Variants in EPB41L5 observed in about 807,000 individuals in gnomAD.
The protein encoded by EPB41L5 is band 4.1-like protein 5.
In EPB41L5, 55 loss-of-function variants were observed where a neutral mutation model predicts 106.6. That is an observed-to-expected ratio of 0.52 (90% CI 0.42 to 0.65). The LOEUF (loss-of-function observed/expected upper bound fraction) is 0.65, where lower values mean the gene tolerates loss of function less well. Ranked by LOEUF, EPB41L5 falls within the 30% of genes least tolerant of loss-of-function variation. EPB41L5 has a pLI of 0.00. For missense variants in EPB41L5, 871 were observed against 882.1 expected (o/e 0.99, Z 0.16); for synonymous variants, 297 against 306.7 (o/e 0.97, Z 0.33).
At chr2:120,090,830 A>G (rs751434768) in intron 12 of EPB41L5, among the ~76,000 whole-genome samples, 2 of 152,216 alleles carry the variant, frequency 1.3e-5, no homozygotes, top group Non-Finnish European at 2.9e-5. Context: ...TGGATACCAT[A>G]TAGAAAAGGG....
intron 2 of EPB41L5, among the ~76,000 whole-genome samples, chr2:120,019,907 A>G (rs369516351): frequency 0.13 from 4,907 of 37,402 alleles, 268 homozygotes; most frequent in African/African-American, 0.3. Context: ...TGCATTTTGG[A>G]TAGATTTTTT....
chr2:120,112,625 A>G (rs1025073223), intron 16 of EPB41L5, among the ~76,000 whole-genome samples: 2 of 152,232 alleles, frequency 1.3e-5, no homozygotes, highest in Non-Finnish European at 2.9e-5. Context: ...GAATGGATAA[A>G]TCATTACGGG....
intron 2 of EPB41L5, among the ~76,000 whole-genome samples, chr2:120,041,320 C>G (rs947544677): frequency 6.6e-6 from 1 of 152,082 alleles, no homozygotes; most frequent in Non-Finnish European, 1.5e-5. Flanking sequence ...ATATAAGAAA[C>G]CTAGGACCTC....
At chr2:120,124,095 A>G (rs1685351310) in intron 16 of EPB41L5, among the ~76,000 whole-genome samples, 1 of 152,082 alleles carries the variant, frequency 6.6e-6, no homozygotes, top group Non-Finnish European at 1.5e-5. Flanking sequence ...GTATGTGCAA[A>G]TGCTTGCTCT....
At chr2:120,121,808 A>G (rs1685226690) in intron 16 of EPB41L5, among the ~76,000 whole-genome samples, 1 of 152,198 alleles carries the variant, frequency 6.6e-6, no homozygotes, top group South Asian at 2.1e-4. Flanking sequence ...GTGTAAAAGC[A>G]TTCCTATTTC....
intron 2 of EPB41L5, among the ~76,000 whole-genome samples, chr2:120,034,827 C>T (rs1294508720): frequency 6.6e-6 from 1 of 152,228 alleles, no homozygotes; most frequent in Non-Finnish European, 1.5e-5. Context: ...CATGCCGCTG[C>T]ACTGTAACCT....
At chr2:120,130,208 C>T (rs765687922) in intron 17 of EPB41L5, among the ~76,000 whole-genome samples, 21 of 144,380 alleles carry the variant, frequency 1.5e-4, no homozygotes, top group Non-Finnish European at 2.6e-4. Flanking sequence ...AGTATTAAAG[C>T]GGAGCTTGAA....
intron 10 of EPB41L5, among the ~76,000 whole-genome samples, chr2:120,081,918 A>G (rs1193813574): frequency 1.3e-5 from 2 of 151,988 alleles, no homozygotes; most frequent in East Asian, 1.9e-4. Context: ...TTTGTCTGTT[A>G]TTGGTGTATA....
intron 18 of EPB41L5, among the ~76,000 whole-genome samples, chr2:120,140,018 C>T (rs1409498281): frequency 1.3e-5 from 2 of 152,004 alleles, no homozygotes; most frequent in South Asian, 2.1e-4. Context: ...TTTGCAACAA[C>T]ATGGATGGAA....
intron 24 of EPB41L5, among the ~76,000 whole-genome samples, chr2:120,171,814 A>C (rs1687686540): frequency 1.3e-5 from 2 of 152,214 alleles, no homozygotes; most frequent in Non-Finnish European, 2.9e-5. Context: ...ATACAAAGAG[A>C]GCTAACGATT....
Position 120,167,894 on chromosome 2 carries a change from T to C in EPB41L5, c.2022T>C (p.Ser674=). 1 of 1,614,152 alleles carries C rather than the reference T, an allele frequency of 6.2e-7. No homozygotes were observed. The highest frequency in any genetic ancestry group is 8.5e-7 in the Non-Finnish European group (1 of 1,180,012). ...TCCCACAGCAGAGTGGTGCCATGTCTAATGGACTTGCGGGATGTGAAATGC... is the reference window on the plus strand; with the variant it reads ...TCCCACAGCAGAGTGGTGCCATGTCCAATGGACTTGCGGGATGTGAAATGC... The part of the protein sequence containing the change: ...RWIVPQSGAM[S]NGLAGCEMLL... Residue 674 remains serine (S), a synonymous_variant, in exon 24 of 25, where the codon TCT becomes TCC. Transcript: ENST00000263713.
intron 1 of EPB41L5, among the ~76,000 whole-genome samples, chr2:120,015,907 TA>T (rs35254844): frequency 0.31 from 37,645 of 120,670 alleles, 5,029 homozygotes; most frequent in East Asian, 0.51. Context: ...AGACTGTCTC[TA>T]AAAAAAAAAA....
intron 16 of EPB41L5, among the ~76,000 whole-genome samples, chr2:120,112,413 T>C (rs1684765157): frequency 6.6e-6 from 1 of 152,216 alleles, no homozygotes; most frequent in Admixed American, 6.5e-5. Flanking sequence ...ACCAAGCATG[T>C]CTTGGCACAT....
At chr2:120,105,898 T>A (rs1006288015) in intron 16 of EPB41L5, 7 of 985,224 alleles carry the variant, frequency 7.1e-6, no homozygotes, top group Non-Finnish European at 8.4e-6. Context: ...AAAGGTTTCA[T>A]GGGTATGTAT....
At chr2:120,072,325 T>C (rs558789441) in intron 3 of EPB41L5, among the ~76,000 whole-genome samples, 108 of 150,292 alleles carry the variant, frequency 7.2e-4, no homozygotes, top group African/African-American at 2.6e-3. Context: ...AATGCTTTTT[T>C]TGGTGGGGGT....
At chr2:120,092,767 G>T (rs1683499360) in intron 13 of EPB41L5, among the ~76,000 whole-genome samples, 1 of 152,094 alleles carries the variant, frequency 6.6e-6, no homozygotes, top group Non-Finnish European at 1.5e-5. Flanking sequence ...GTTTCCTCTT[G>T]GTTTCCACTG....
intron 10 of EPB41L5, among the ~76,000 whole-genome samples, chr2:120,079,600 G>C (rs1682501786): frequency 6.6e-6 from 1 of 152,140 alleles, no homozygotes; most frequent in African/African-American, 2.4e-5. Context: ...GCTCGATAAA[G>C]CCTGTTCTGT....
At chr2:120,043,817 G>A (rs748950174) in intron 3 of EPB41L5, among the ~76,000 whole-genome samples, 18 of 152,088 alleles carry the variant, frequency 1.2e-4, no homozygotes, top group Non-Finnish European at 2.5e-4. Flanking sequence ...AGTCATAAAG[G>A]ATTATAAGGC....
At chr2:120,106,138 G>A (rs1684440814) in intron 16 of EPB41L5, 1 of 985,336 alleles carries the variant, frequency 1.0e-6, no homozygotes, top group Non-Finnish European at 1.2e-6. Context: ...ACATTTAAGG[G>A]AAGATTCACC....
Sources: gnomAD v4.1 joint callset for allele counts (sites outside exome capture counted in the v4.1 genomes callset) on GRCh38, gnomAD v4.1.1 for gene constraint, MANE v1.5 for transcripts, NCBI Gene and HGNC (gene_info 2026-07-23, HGNC 2026-07-21) for gene names.